The following EXOC4 variants were observed in gnomAD, a reference collection of about 807,000 sequenced individuals.
EXOC4 encodes SEC8-like 1.
In EXOC4, 71 loss-of-function variants were observed where a neutral mutation model predicts 107.2. The observed-to-expected ratio is 0.66, with a 90% CI of 0.55 to 0.81. The LOEUF is 0.81. EXOC4 is among the 30% of genes least tolerant of loss of function. EXOC4 has a pLI of 0.00. For missense variants in EXOC4, 1,108 were observed against 1,189.6 expected (o/e 0.93, Z 1.01); for synonymous variants, 456 against 441.2 (o/e 1.03, Z -0.42).
At chr7:133,613,783 GA>G (rs1446451267) in intron 9 of EXOC4, among the ~76,000 whole-genome samples, 1 of 152,028 alleles carries the variant, frequency 6.6e-6, no homozygotes, top group Admixed American at 6.6e-5. Context: ...TTCTTTTCAC[GA>G]AATACCTTTT....
At position 133,382,566 on chromosome 7, in the gene EXOC4, A is replaced by G. The variant is rs189904545; in HGVS notation, c.1182+7564A>G. Among the ~76,000 whole-genome samples, 21 of 152,258 alleles carry G rather than the reference A, an allele frequency of 1.4e-4. No homozygotes were observed. The East Asian group carries it at 4.1e-3, about 29-fold the overall frequency. Reference sequence around the variant, plus strand: ...TTGGAGGAGTGTTCTTTAGGTTAGAAATCATTCCTGGAGAACAAAATAATT... The same window carrying G: ...TTGGAGGAGTGTTCTTTAGGTTAGAGATCATTCCTGGAGAACAAAATAATT... On this transcript the variant is annotated intron_variant, in intron 7 of 17. Coordinates refer to ENST00000253861, the MANE Select transcript of EXOC4 (RefSeq NM_021807.4).
At chr7:133,685,528 C>G (rs1205832669) in intron 10 of EXOC4, among the ~76,000 whole-genome samples, 2 of 152,052 alleles carry the variant, frequency 1.3e-5, no homozygotes, top group African/African-American at 4.8e-5. Context: ...TGAAAATGGA[C>G]TAATACAGCA....
chr7:133,791,784 A>G (rs1476303653), intron 10 of EXOC4, among the ~76,000 whole-genome samples: 5 of 152,214 alleles, frequency 3.3e-5, no homozygotes. Context: ...TCCCACCACA[A>G]ACTATGTTAT....
At chr7:133,989,126 A>G (rs1448354733) in intron 14 of EXOC4, among the ~76,000 whole-genome samples, 1 of 152,186 alleles carries the variant, frequency 6.6e-6, no homozygotes, top group East Asian at 1.9e-4. Flanking sequence ...ATATTAAGAA[A>G]ATATTTGTAA....
chr7:133,540,520 G>A (rs1269005599), intron 9 of EXOC4, among the ~76,000 whole-genome samples: 3 of 152,154 alleles, frequency 2.0e-5, no homozygotes, highest in African/African-American at 7.2e-5. Context: ...ATAACCAATT[G>A]CTAAATTGCT....
intron 14 of EXOC4, among the ~76,000 whole-genome samples, chr7:133,982,101 G>A (rs570455683): frequency 6.6e-6 from 1 of 152,320 alleles, no homozygotes; most frequent in South Asian, 2.1e-4. Flanking sequence ...GGCCCTACTT[G>A]ACGGTGAGAG....
chr7:134,096,672 G>T, the EXOC4 span, among the ~76,000 whole-genome samples: 3 of 152,130 alleles, frequency 2.0e-5, no homozygotes, highest in African/African-American at 7.2e-5. Context: ...AAAAGCTGAA[G>T]AATTTAGAGT....
At chr7:133,650,695 C>T (rs1803121282) in intron 10 of EXOC4, among the ~76,000 whole-genome samples, 1 of 152,126 alleles carries the variant, frequency 6.6e-6, no homozygotes, top group Non-Finnish European at 1.5e-5. Flanking sequence ...TCCTGGCCGA[C>T]TTCGTATTGA....
chr7:133,308,469 A>C (rs748532040), intron 4 of EXOC4, among the ~76,000 whole-genome samples: 1 of 152,202 alleles, frequency 6.6e-6, no homozygotes, highest in Non-Finnish European at 1.5e-5. Flanking sequence ...AGCGAAGGAG[A>C]GAGGTCTCAG....
chr7:133,895,757 A>G, intron 12 of EXOC4, 22 bp downstream of exon 12: 1 of 1,602,900 alleles, frequency 6.2e-7, no homozygotes. Flanking sequence ...GTTAGGGGCT[A>G]AGCAAAGTAA....
At chr7:133,256,843 G>A (rs933940648) in intron 1 of EXOC4, among the ~76,000 whole-genome samples, 5 of 151,734 alleles carry the variant, frequency 3.3e-5, no homozygotes, top group Non-Finnish European at 5.9e-5. Flanking sequence ...GGGAATATCC[G>A]AATCTCATCG....
intron 10 of EXOC4, among the ~76,000 whole-genome samples, chr7:133,811,684 G>A (rs1177790509): frequency 6.6e-6 from 1 of 152,196 alleles, no homozygotes; most frequent in Non-Finnish European, 1.5e-5. Context: ...CAGCCATATT[G>A]CACAAAATAT....
At chr7:133,617,371 T>G (rs2151002519) in intron 9 of EXOC4, among the ~76,000 whole-genome samples, 1 of 152,308 alleles carries the variant, frequency 6.6e-6, no homozygotes, top group Non-Finnish European at 1.5e-5. Context: ...CTGTCCAGCA[T>G]AACTAGTATT....
At chr7:133,417,528 G>T (rs4731951) in intron 7 of EXOC4, among the ~76,000 whole-genome samples, 128,678 of 152,198 alleles carry the variant, frequency 0.85, 54,681 homozygotes, top group East Asian at 0.95. Context: ...GAAACCAGGC[G>T]AGGTTAGAAT....
chr7:134,098,226 C>T, the EXOC4 span, among the ~76,000 whole-genome samples: 2 of 152,184 alleles, frequency 1.3e-5, no homozygotes, highest in Middle Eastern at 3.4e-3. Flanking sequence ...AATGAAGAAC[C>T]GCCAGTGGGT....
At chr7:133,620,041 G>A (rs1046625963) in intron 9 of EXOC4, among the ~76,000 whole-genome samples, 2 of 151,280 alleles carry the variant, frequency 1.3e-5, no homozygotes, top group East Asian at 1.9e-4. Flanking sequence ...AGTTTGTTTT[G>A]AGACAGAGTC....
At chr7:134,071,998 A>G in the EXOC4 span, among the ~76,000 whole-genome samples, 9 of 151,684 alleles carry the variant, frequency 5.9e-5, no homozygotes, top group Admixed American at 3.3e-4. Context: ...ACCATTGCCC[A>G]CTCTCCTCTC....
chr7:133,813,686 C>A (rs1454826031), intron 10 of EXOC4, among the ~76,000 whole-genome samples: 1 of 152,090 alleles, frequency 6.6e-6, no homozygotes, highest in Non-Finnish European at 1.5e-5. Context: ...CTTTAAAGAT[C>A]CATTATATTT....
intron 10 of EXOC4, chr7:133,733,532 C>T (rs943477723): frequency 1.3e-5 from 2 of 152,104 alleles, no homozygotes; most frequent in African/African-American, 4.8e-5. Flanking sequence ...GAAAATGGAT[C>T]AACAACTTTC....
Sources: allele counts gnomAD v4.1 joint callset (sites outside exome capture counted in the v4.1 genomes callset), GRCh38; gene constraint gnomAD v4.1.1; transcripts MANE v1.5; gene names NCBI Gene and HGNC (gene_info 2026-07-23, HGNC 2026-07-21).